UNK: variants seen among roughly 807,000 people sequenced by gnomAD.
UNK encodes the protein unk zinc finger.
UNK carries 32 observed loss-of-function variants against 97.6 expected under a neutral mutation model. That is an observed-to-expected ratio of 0.33 (90% CI 0.25 to 0.44). The LOEUF (loss-of-function observed/expected upper bound fraction) is 0.44, where lower values mean the gene tolerates loss of function less well. Among genes scored for constraint, UNK ranks in the 20% least tolerant of loss-of-function variants. UNK has a pLI of 1.00. For missense variants in UNK, 771 were observed against 1,098.4 expected, an observed-to-expected ratio of 0.70 and a Z score of 4.21; for synonymous variants, 441 against 461.2, an observed-to-expected ratio of 0.96 and a Z score of 0.56.
In UNK at chr17:75,819,431, G is replaced by A. The variant is rs1488169317; in HGVS notation, c.1547-253G>A. Reference sequence around the variant, plus strand: ...GTCCGAGGCAGGGACCCTGGATGGGGATGTGATTTCTCCTGGAAGTATCAA... The same window carrying A: ...GTCCGAGGCAGGGACCCTGGATGGGAATGTGATTTCTCCTGGAAGTATCAA... On this transcript the variant is annotated intron_variant, in intron 11 of 15. Transcript: ENST00000589666. The surrounding 1 kb of genome is among the most constrained non-coding windows in gnomAD (Gnocchi z 5.4). Among the ~76,000 whole-genome samples, 1 of 152,240 alleles carries A rather than the reference G, an allele frequency of 6.6e-6. No individual in the cohort carries two copies. Among genetic ancestry groups the A allele is most frequent in the Non-Finnish European group, 1.5e-5 (1 of 68,042 alleles).
intron 13 of UNK, 77 bp from the exon 14 acceptor site, chr17:75,822,400 G>C: frequency 6.7e-7 from 1 of 1,501,634 alleles, no homozygotes. Context: ...CCAGTCCCTG[G>C]AACCTCTGAG....
rs540566359 is a variant in UNK at position 75,787,986 on chromosome 17, C to A, written c.104+3002C>A. The stretch of plus-strand genomic sequence containing the variant: ...CCCCATAAGGTGAATTCATTTATTG[C>A]CCTTGGGAGTTAGGGGGCGGGAGCA... On this transcript the variant is annotated intron_variant, in intron 1 of 15. Transcript: ENST00000589666. Among the ~76,000 whole-genome samples, 5 of 152,034 alleles carry A rather than the reference C, an allele frequency of 3.3e-5. No homozygotes were observed. In the South Asian group the frequency reaches 1.0e-3, roughly 32 times the overall value.
chr17:75,805,809 A>ATGTGTGTGTGTGTGTGTGT (rs1567800919), intron 1 of UNK, among the ~76,000 whole-genome samples: 5 of 96,492 alleles, frequency 5.2e-5, no homozygotes, highest in African/African-American at 3.1e-4. Context: ...TAAAAAGAAA[A>ATGTGTGTGTGTGTGTGTGT]ATGTGTGTGT....
At chr17:75,801,696 G>A (rs11652261) in intron 1 of UNK, among the ~76,000 whole-genome samples, 1 of 150,970 alleles carries the variant, frequency 6.6e-6, no homozygotes, top group South Asian at 2.1e-4. Flanking sequence ...ACAGGCGCCC[G>A]CCACCACACC....
Position 75,812,655 on chromosome 17 carries a change from C to T in UNK, c.622+70C>T, listed in dbSNP as rs958490673. The T allele has an allele frequency of 1.1e-5, 17 of 1,555,878 alleles. No homozygotes were observed. The East Asian group carries it at 3.2e-4, about 29-fold the overall frequency. ...TCATAGCTGCCCTGGGGATTTGGCT[C>T]ACCACCACCTACTGCCTGCTCTAGC... On this transcript the variant is annotated intron_variant, in intron 4 of 15. Coordinates refer to ENST00000589666, the MANE Select transcript of UNK (RefSeq NM_001080419.3).
chr17:75,785,257 G>A, intron 1 of UNK: 1 of 416,752 alleles, frequency 2.4e-6, no homozygotes, highest in Non-Finnish European at 4.3e-6. Context: ...CCTAGGCCAG[G>A]CCTTCGAGGC....
At position 75,784,925 on chromosome 17, in the gene UNK, G is replaced by T. The variant is rs767546623; in HGVS notation, c.45G>T (p.Ala15=). 1 of 1,556,984 alleles carries T rather than the reference G, an allele frequency of 6.4e-7. No homozygotes were observed. The change falls in exon 1 of 16, where the codon GCG becomes GCT. Residue 15 remains alanine, a synonymous_variant. Transcript: ENST00000589666. ...CCGGCGGCTCCGCAGCTTCCTCGGC[G>T]CCCCCGGCCGCTACCGCTCAGGTGC... is the stretch of plus-strand genomic sequence containing the variant. The part of the protein sequence containing the change: ...PGPGGSAASS[A]PPAATAQVLQ...
intron 1 of UNK, chr17:75,793,748 T>G (rs931077173): frequency 4.6e-5 from 45 of 985,318 alleles, no homozygotes; most frequent in Non-Finnish European, 5.4e-5. Flanking sequence ...ATAGCCACCA[T>G]AAGTCCTGAC....
At chr17:75,792,413 C>G in intron 1 of UNK, 8 of 985,300 alleles carry the variant, frequency 8.1e-6, no homozygotes, top group Non-Finnish European at 9.6e-6. Flanking sequence ...AGTAGATTGT[C>G]TTCCCTTTTA....
chr17:75,823,352 C>A lies in UNK; in HGVS notation c.2107C>A (p.Arg703=). The change falls in exon 15 of 16, where the codon CGG becomes AGG. Residue 703 remains arginine (R), a synonymous_variant. Transcript: ENST00000589666. The stretch of plus-strand genomic sequence containing the variant: ...CGAGTGCGAGCTGGCCCGGGAGCAG[C>A]GGGATGCACTGGAGGTGCAGGTGAA... The part of the protein sequence containing the change: ...GAECELAREQ[R]DALEVQVKKL... The A allele has an allele frequency of 1.2e-6, 2 of 1,611,574 alleles. No individual in the cohort carries two copies. The highest frequency in any genetic ancestry group is 1.7e-6 in the Non-Finnish European group (2 of 1,179,172).
chr17:75,823,534 T>G lies in UNK; in HGVS notation c.2277+12T>G. 1.3e-6 allele frequency: 2 copies of G among 1,534,540 alleles called. No individual in the cohort carries two copies. The highest frequency in any genetic ancestry group is 1.8e-6 in the Non-Finnish European group (2 of 1,134,394). On this transcript the variant is annotated intron_variant, in intron 15 of 15. Coordinates refer to ENST00000589666, the MANE Select transcript of UNK (RefSeq NM_001080419.3). The stretch of plus-strand genomic sequence containing the variant: ...AACAAGTGGACAAGGTCAGCCCAGG[T>G]CGGGGAGCACTGGGTGGGATGCACG...
intron 1 of UNK, among the ~76,000 whole-genome samples, chr17:75,808,686 C>T (rs2061941103): frequency 6.6e-6 from 1 of 152,120 alleles, no homozygotes; most frequent in Non-Finnish European, 1.5e-5. Flanking sequence ...GCCTCTGGCA[C>T]CATCCTTCTC....
At position 75,817,701 on chromosome 17, in the gene UNK, G is replaced by A. The variant is rs1468071117; in HGVS notation, c.1305+175G>A. Among the ~76,000 whole-genome samples, 6 of 152,192 alleles carry A rather than the reference G, an allele frequency of 3.9e-5. No individual in the cohort carries two copies. The highest frequency in any genetic ancestry group is 1.4e-4 in the African/African-American group (6 of 41,440). On this transcript the variant is annotated intron_variant, in intron 9 of 15. Transcript: ENST00000589666. This position sits in a 1 kb window ranked among gnomAD's most constrained non-coding sequence, Gnocchi z 5.8. ...CAGTGTCAGCCCATTTGCAGCTGAA[G>A]ACAGGAAGGCTGGGGAGGCTGCATA...
In UNK at chr17:75,823,369, G is replaced by A. The variant is rs2062087274; in HGVS notation, c.2124G>A (p.Val708=). 6 of 1,611,384 alleles carry A rather than the reference G, an allele frequency of 3.7e-6. No homozygotes were observed. The Admixed American group carries it at 5.0e-5, about 13-fold the overall frequency. ...LAREQRDALE[V]QVKKLQEELE... Reference sequence around the variant, plus strand: ...GGGAGCAGCGGGATGCACTGGAGGTGCAGGTGAAGAAGCTCCAGGAGGAGC... The same window carrying A: ...GGGAGCAGCGGGATGCACTGGAGGTACAGGTGAAGAAGCTCCAGGAGGAGC... The change falls in exon 15 of 16, where the codon GTG becomes GTA. Residue 708 remains valine, a synonymous_variant. Transcript: ENST00000589666.
chr17:75,793,835 C>G, intron 1 of UNK: 1 of 985,338 alleles, frequency 1.0e-6, no homozygotes. Context: ...ACAAGTCTAC[C>G]CCCACATAAG....
chr17:75,817,051 A>G lies in UNK; in HGVS notation c.1104+139A>G. 7.4e-7 allele frequency: 1 copy of G among 1,356,602 alleles called. No individual in the cohort carries two copies. The highest frequency in any genetic ancestry group is 9.8e-7 in the Non-Finnish European group (1 of 1,024,558). 84.0% of individuals were successfully genotyped at this position (1,356,602 alleles called of 1,614,324 possible). On this transcript the variant is annotated intron_variant, in intron 8 of 15. Transcript: ENST00000589666. This position sits in a 1 kb window ranked among gnomAD's most constrained non-coding sequence, Gnocchi z 5.8. The stretch of plus-strand genomic sequence containing the variant: ...CAGGGGGATCTGTCTTTTCCATCTC[A>G]GCATTCTTCGTCAAAAGTCCAGGCC...
rs1162491261 is a variant in UNK, at chr17:75,794,168, T to C, written c.104+9184T>C. On this transcript the variant is annotated intron_variant, in intron 1 of 15. Coordinates refer to ENST00000589666, the MANE Select transcript of UNK (RefSeq NM_001080419.3). ...TTTATAATGAATACAAAAATGTATA[T>C]TAAATATCCAGTAGAGCATGCTAAA... is the stretch of plus-strand genomic sequence containing the variant. 1.0e-5 allele frequency: 10 copies of C among 970,932 alleles called. No individual in the cohort carries two copies. The East Asian group carries it at 1.0e-3, about 100-fold the overall frequency. 60.1% of individuals were successfully genotyped at this position (970,932 alleles called of 1,614,324 possible). A position where few individuals can be genotyped will look rare whatever the true frequency, so the allele number is the denominator to read the frequency against.
chr17:75,812,933 A>C, intron 4 of UNK, 145 bp from the exon 5 acceptor site: 1 of 1,214,636 alleles, frequency 8.2e-7, no homozygotes, highest in South Asian at 1.6e-5. Flanking sequence ...ATGGCCTGGG[A>C]GGAGGGGCCC....
chr17:75,786,829 C>T (rs2061716449), intron 1 of UNK, among the ~76,000 whole-genome samples: 1 of 152,150 alleles, frequency 6.6e-6, no homozygotes. Context: ...TGCACTCCAG[C>T]CTGAGCGACA....
Sources: gnomAD v4.1 joint callset for allele counts (sites outside exome capture counted in the v4.1 genomes callset) on GRCh38, gnomAD v4.1.1 for gene constraint, Gnocchi (gnomAD v3.1) non-coding constraint, MANE v1.5 for transcripts, NCBI Gene and HGNC (gene_info 2026-07-23, HGNC 2026-07-21) for gene names.